UVRAG: variants seen among roughly 807,000 people sequenced by gnomAD.
The protein encoded by UVRAG is UV radiation resistance associated.
In UVRAG, 19 loss-of-function variants were observed where a neutral mutation model predicts 78.0. The ratio of observed to expected loss-of-function variants is 0.24; its 90% confidence interval spans 0.17 to 0.36. The LOEUF is 0.36. Among genes scored for constraint, UVRAG ranks in the 10% least tolerant of loss-of-function variants. UVRAG has a pLI of 1.00. For synonymous variants in UVRAG, 323 were observed against 324.6 expected (o/e 1.00, Z 0.05); for missense variants, 740 against 853.8 (o/e 0.87, Z 1.66).
chr11:75,896,523 C>G (rs1947347964), intron 5 of UVRAG, among the ~76,000 whole-genome samples: 1 of 152,146 alleles, frequency 6.6e-6, no homozygotes, highest in Admixed American at 6.5e-5. Flanking sequence ...TATAGGCACT[C>G]CTGACAACTA....
At chr11:75,817,898 G>GAAAAAAAAAAAAA (rs111248538) in intron 1 of UVRAG, among the ~76,000 whole-genome samples, 2 of 104,014 alleles carry the variant, frequency 1.9e-5, no homozygotes, top group African/African-American at 3.1e-5. Context: ...ACAAAAAAAA[G>GAAAAAAAAAAAAA]AAAAAAAAAA....
intron 1 of UVRAG, among the ~76,000 whole-genome samples, chr11:75,824,887 A>T (rs1198292318): frequency 6.6e-6 from 1 of 151,868 alleles, no homozygotes; most frequent in Non-Finnish European, 1.5e-5. Context: ...GTTAGCCAGG[A>T]TGGTCTCGAT....
chr11:76,075,319 G>A (rs193017362), intron 13 of UVRAG, among the ~76,000 whole-genome samples: 2 of 152,042 alleles, frequency 1.3e-5, no homozygotes. Flanking sequence ...CATTTAAATT[G>A]TACAATTCAG....
At chr11:75,845,923 C>T (rs1309888719) in intron 1 of UVRAG, among the ~76,000 whole-genome samples, 1 of 151,712 alleles carries the variant, frequency 6.6e-6, no homozygotes, top group East Asian at 1.9e-4. Context: ...AAAAAGAAAA[C>T]TGCATAGAAT....
At chr11:76,106,963 T>C (rs1318216036) in intron 13 of UVRAG, among the ~76,000 whole-genome samples, 1 of 152,210 alleles carries the variant, frequency 6.6e-6, no homozygotes. Flanking sequence ...TGCAGTTGCA[T>C]CCAAGGTTGT....
intron 8 of UVRAG, among the ~76,000 whole-genome samples, chr11:75,984,587 A>G (rs557709016): frequency 1.3e-5 from 2 of 152,292 alleles, no homozygotes; most frequent in African/African-American, 4.8e-5. Context: ...TCACAAAGCA[A>G]ACATACCCAT....
At chr11:76,001,342 A>G (rs1362383918) in intron 8 of UVRAG, among the ~76,000 whole-genome samples, 2 of 152,250 alleles carry the variant, frequency 1.3e-5, no homozygotes, top group Admixed American at 1.3e-4. Flanking sequence ...TTTCATGCCA[A>G]TATTAGAAAA....
chr11:75,978,964 A>AT (rs1194171527), intron 7 of UVRAG, among the ~76,000 whole-genome samples: 7 of 151,936 alleles, frequency 4.6e-5, no homozygotes, highest in Admixed American at 1.3e-4. Flanking sequence ...GATTTTTAGA[A>AT]TTTTCAGCTT....
chr11:76,047,626 CT>C (rs757325325), intron 12 of UVRAG, among the ~76,000 whole-genome samples: 2 of 152,210 alleles, frequency 1.3e-5, no homozygotes, highest in African/African-American at 4.8e-5. Context: ...TAGGAACTCT[CT>C]TTCCTAACCT....
chr11:76,097,587 T>C (rs1281689459), intron 13 of UVRAG, among the ~76,000 whole-genome samples: 1 of 152,218 alleles, frequency 6.6e-6, no homozygotes, highest in African/African-American at 2.4e-5. Context: ...GTTTTTACTG[T>C]ACTTATGTTT....
intron 1 of UVRAG, among the ~76,000 whole-genome samples, chr11:75,846,877 G>A (rs767905500): frequency 2.0e-5 from 3 of 151,352 alleles, no homozygotes; most frequent in African/African-American, 7.3e-5. Flanking sequence ...AGGCTATAGT[G>A]CAGTGACATG....
At chr11:76,034,112 T>C (rs965151895) in intron 12 of UVRAG, among the ~76,000 whole-genome samples, 2 of 152,232 alleles carry the variant, frequency 1.3e-5, no homozygotes, top group Non-Finnish European at 2.9e-5. Context: ...TTCATAATTA[T>C]ATAGCTAATA....
At chr11:75,921,254 T>C (rs1167512928) in intron 6 of UVRAG, among the ~76,000 whole-genome samples, 1 of 152,220 alleles carries the variant, frequency 6.6e-6, no homozygotes, top group African/African-American at 2.4e-5. Context: ...TTTACTAATT[T>C]GATGAGTGTA....
intron 13 of UVRAG, among the ~76,000 whole-genome samples, chr11:76,076,757 G>A (rs1164840996): frequency 6.6e-6 from 1 of 151,838 alleles, no homozygotes; most frequent in Non-Finnish European, 1.5e-5. Context: ...TATCTTCTTT[G>A]GAGAAATAAC....
intron 12 of UVRAG, among the ~76,000 whole-genome samples, chr11:76,021,539 C>T (rs1252009390): frequency 5.1e-5 from 7 of 137,738 alleles, no homozygotes; most frequent in African/African-American, 1.4e-4. Context: ...TCTTTATTAT[C>T]TCCTTCATTC....
At chr11:76,063,444 A>G (rs191888258) in intron 12 of UVRAG, among the ~76,000 whole-genome samples, 42 of 152,344 alleles carry the variant, frequency 2.8e-4, no homozygotes, top group Admixed American at 1.2e-3. Flanking sequence ...TTAGAGTGAC[A>G]GTAAGGCTCA....
At chr11:76,086,681 C>A (rs1469680824) in intron 13 of UVRAG, among the ~76,000 whole-genome samples, 1 of 152,108 alleles carries the variant, frequency 6.6e-6, no homozygotes, top group Non-Finnish European at 1.5e-5. Context: ...TATGAAAGAT[C>A]ATATTTTATC....
In UVRAG at chr11:75,826,451, A is replaced by G. The variant is rs117016023; in HGVS notation, c.117+10927A>G. 3.0e-3 allele frequency among the ~76,000 whole-genome samples: 451 copies of G among 151,946 alleles called. 13 individuals are homozygous for G. In the East Asian group the frequency reaches 0.074, roughly 25 times the overall value. ...ATTACAGGCGTGAGCCTGGCCGAGAACTTGTTTCTTAAACTTCACTCGGTC... is the reference window on the plus strand; with the variant it reads ...ATTACAGGCGTGAGCCTGGCCGAGAGCTTGTTTCTTAAACTTCACTCGGTC... On this transcript the variant is annotated intron_variant, in intron 1 of 14. Transcript: ENST00000356136.
intron 7 of UVRAG, among the ~76,000 whole-genome samples, chr11:75,963,617 G>A (rs1221350292): frequency 1.3e-5 from 2 of 152,124 alleles, no homozygotes; most frequent in African/African-American, 2.4e-5. Context: ...CAGCAAAGAA[G>A]GCATATTTGA....
Sources: gnomAD v4.1 joint callset for allele counts (sites outside exome capture counted in the v4.1 genomes callset) on GRCh38, gnomAD v4.1.1 for gene constraint, MANE v1.5 for transcripts, NCBI Gene and HGNC (gene_info 2026-07-23, HGNC 2026-07-21) for gene names.